BABAM2: variants seen among roughly 807,000 people sequenced by gnomAD.
BABAM2 encodes the protein BRISC and BRCA1-A complex member 2.
In BABAM2, 31 loss-of-function variants were observed where a neutral mutation model predicts 54.7. That is an observed-to-expected ratio of 0.57 (90% CI 0.43 to 0.77). The LOEUF is 0.77. Among genes scored for constraint, BABAM2 ranks in the 30% least tolerant of loss-of-function variants. The pLI is 0.00. For missense variants in BABAM2, 364 were observed against 455.8 expected (o/e 0.80, Z 1.83); for synonymous variants, 167 against 162.9 (o/e 1.03, Z -0.19).
At chr2:28,111,376 A>AATTCTGTAT (rs1668010893) in intron 6 of BABAM2, among the ~76,000 whole-genome samples, 1 of 152,106 alleles carries the variant, frequency 6.6e-6, no homozygotes, top group Non-Finnish European at 1.5e-5. Context: ...TGAGTTTAGT[A>AATTCTGTAT]ATTCTCTGTA....
chr2:28,205,148 A>G (rs2147967514), intron 7 of BABAM2, among the ~76,000 whole-genome samples: 1 of 152,138 alleles, frequency 6.6e-6, no homozygotes, highest in East Asian at 1.9e-4. Flanking sequence ...TCTCCCATTG[A>G]TATAGGGAAA....
At chr2:28,181,131 ATAAGT>A (rs1045701993) in intron 7 of BABAM2, among the ~76,000 whole-genome samples, 36 of 152,218 alleles carry the variant, frequency 2.4e-4, no homozygotes, top group Non-Finnish European at 4.1e-4. Flanking sequence ...AGGAAAGGAA[ATAAGT>A]ATATCTAAGG....
At chr2:27,896,921 G>A (rs1197154620) in intron 2 of BABAM2, 3 of 163,224 alleles carry the variant, frequency 1.8e-5, no homozygotes, top group African/African-American at 2.4e-5. Context: ...TCTGTGGGTA[G>A]TACTTTTCAC....
intron 2 of BABAM2, among the ~76,000 whole-genome samples, chr2:27,899,207 C>T (rs72854421): frequency 2.5e-3 from 375 of 152,294 alleles, no homozygotes; most frequent in African/African-American, 8.6e-3. Context: ...ATGTCACAGA[C>T]ATTCTTTTCA....
chr2:28,059,391 A>G (rs1352480983), intron 6 of BABAM2, among the ~76,000 whole-genome samples: 1 of 152,218 alleles, frequency 6.6e-6, no homozygotes, highest in Non-Finnish European at 1.5e-5. Context: ...TGTGAATCCC[A>G]GAAATAAAGT....
chr2:28,172,701 T>G (rs1437064391), intron 7 of BABAM2, among the ~76,000 whole-genome samples: 7 of 152,172 alleles, frequency 4.6e-5, no homozygotes, highest in African/African-American at 1.7e-4. Context: ...GAACGAGTAT[T>G]CCTGTACCTT....
chr2:28,076,682 A>G (rs1664715621), intron 6 of BABAM2, among the ~76,000 whole-genome samples: 1 of 151,560 alleles, frequency 6.6e-6, no homozygotes, highest in Non-Finnish European at 1.5e-5. Flanking sequence ...TTTGTTTTGT[A>G]TTTTTAGTAG....
At chr2:28,336,203 G>C (rs1202288182) in intron 11 of BABAM2, among the ~76,000 whole-genome samples, 6 of 152,150 alleles carry the variant, frequency 3.9e-5, no homozygotes, top group Non-Finnish European at 8.8e-5. Context: ...GATAAGACAG[G>C]AGCTATGGGA....
intron 7 of BABAM2, among the ~76,000 whole-genome samples, chr2:28,168,496 G>T (rs1267160767): frequency 1.3e-5 from 2 of 152,102 alleles, no homozygotes; most frequent in Non-Finnish European, 2.9e-5. Flanking sequence ...ACTCCTAGTG[G>T]CTATGAATTT....
intron 2 of BABAM2, among the ~76,000 whole-genome samples, chr2:27,908,873 A>G (rs956118692): frequency 2.6e-5 from 4 of 151,982 alleles, no homozygotes; most frequent in African/African-American, 9.7e-5. Context: ...CAAGGGTTTT[A>G]ATTTCTCCAC....
intron 11 of BABAM2, among the ~76,000 whole-genome samples, chr2:28,317,914 C>T (rs1308535504): frequency 1.3e-5 from 2 of 152,168 alleles, no homozygotes; most frequent in South Asian, 2.1e-4. Context: ...AGGCTGTAAC[C>T]GATGGTTATA....
At chr2:27,981,439 A>G (rs1041888051) in intron 3 of BABAM2, among the ~76,000 whole-genome samples, 2 of 152,186 alleles carry the variant, frequency 1.3e-5, no homozygotes, top group African/African-American at 4.8e-5. Context: ...AAGTTGTACA[A>G]CCATCACTAA....
chr2:28,106,238 A>G (rs1343330626), intron 6 of BABAM2, among the ~76,000 whole-genome samples: 1 of 152,148 alleles, frequency 6.6e-6, no homozygotes, highest in Non-Finnish European at 1.5e-5. Flanking sequence ...TATTGTCCCA[A>G]TGATTTCTTT....
intron 3 of BABAM2, 149 bp from the exon 4 acceptor site, chr2:27,987,844 A>T (rs1041362526): frequency 1.8e-6 from 1 of 561,594 alleles, no homozygotes. Flanking sequence ...ATATCAGTTT[A>T]TTTGAAGAAT....
At chr2:28,167,593 C>A (rs1170330170) in intron 7 of BABAM2, among the ~76,000 whole-genome samples, 1 of 151,586 alleles carries the variant, frequency 6.6e-6, no homozygotes, top group Non-Finnish European at 1.5e-5. Flanking sequence ...ACTAGGGAGT[C>A]TGAGGCAGGA....
chr2:28,004,620 G>A (rs1673820930), intron 4 of BABAM2, among the ~76,000 whole-genome samples: 1 of 151,758 alleles, frequency 6.6e-6, no homozygotes, highest in South Asian at 2.1e-4. Context: ...TCTTTAGGAG[G>A]TTAAAAAATT....
intron 7 of BABAM2, among the ~76,000 whole-genome samples, chr2:28,204,869 C>T (rs1278895101): frequency 6.6e-6 from 1 of 152,022 alleles, no homozygotes; most frequent in African/African-American, 2.4e-5. Flanking sequence ...TACCTCGCAG[C>T]CCCCCGTATG....
chr2:28,183,666 A>G (rs1675888818), intron 7 of BABAM2, among the ~76,000 whole-genome samples: 1 of 151,424 alleles, frequency 6.6e-6, no homozygotes, highest in South Asian at 2.1e-4. Flanking sequence ...GCTCCATTAG[A>G]ATTCTTACAT....
In BABAM2 at chr2:28,178,150, A is replaced by G. The variant is rs556181371; in HGVS notation, c.680+48770A>G. On this transcript the variant is annotated intron_variant, in intron 7 of 11. Transcript: ENST00000379624. Reference sequence around the variant, plus strand: ...ACTGCACTTTAGACCAAATGGACCTAACAGACATCTACGGTATATTCTACC... The same window carrying G: ...ACTGCACTTTAGACCAAATGGACCTGACAGACATCTACGGTATATTCTACC... 1.1e-4 allele frequency among the ~76,000 whole-genome samples: 17 copies of G among 152,308 alleles called. 1 individual carries two copies. The South Asian group carries it at 3.5e-3, about 32-fold the overall frequency.
Sources: gnomAD v4.1 joint callset for allele counts (sites outside exome capture counted in the v4.1 genomes callset) on GRCh38, gnomAD v4.1.1 for gene constraint, MANE v1.5 for transcripts, NCBI Gene and HGNC (gene_info 2026-07-23, HGNC 2026-07-21) for gene names.